SPON1: variants seen among roughly 807,000 people sequenced by gnomAD.
SPON1 encodes spondin 1.
Under a neutral mutation model 111.7 loss-of-function variants are expected in SPON1, and 52 were observed. The observed-to-expected ratio is 0.47, with a 90% CI of 0.37 to 0.59. The LOEUF (loss-of-function observed/expected upper bound fraction) is 0.59, where lower values mean the gene tolerates loss of function less well. SPON1 is among the 20% of genes least tolerant of loss of function. The pLI, the probability that SPON1 is intolerant of heterozygous loss-of-function variation, is 0.00. For synonymous variants in SPON1, 410 were observed against 395.8 expected (o/e 1.04, Z -0.43); for missense variants, 957 against 1,068.5 (o/e 0.90, Z 1.46).
At chr11:14,224,762 A>G in intron 6 of SPON1, 1 of 500,664 alleles carries the variant, frequency 2.0e-6, no homozygotes, top group South Asian at 1.5e-5. Context: ...GGGAGATATG[A>G]GGCCGGAGAA....
At chr11:13,996,894 TG>T (rs1554911864) in intron 2 of SPON1, among the ~76,000 whole-genome samples, 1 of 152,232 alleles carries the variant, frequency 6.6e-6, no homozygotes, top group Non-Finnish European at 1.5e-5. Flanking sequence ...ATCATACTGT[TG>T]AATTATAATT....
In SPON1 at chr11:14,218,238, C is replaced by T. The variant is rs186908699; in HGVS notation, c.826-25094C>T. Among the ~76,000 whole-genome samples the T allele has an allele frequency of 2.7e-3, 406 of 152,242 alleles. 3 individuals are homozygous for T. The highest frequency in any genetic ancestry group is 4.1e-3 in the Non-Finnish European group (279 of 68,024). On this transcript the variant is annotated intron_variant, in intron 6 of 15. Coordinates refer to ENST00000576479, the MANE Select transcript of SPON1 (RefSeq NM_006108.4). ...CAAGGAGATAGGCGACCTGGAAAAC[C>T]CAAATATCATACCTCCTTCTCCCTC...
intron 6 of SPON1, among the ~76,000 whole-genome samples, chr11:14,176,207 C>A (rs1207857420): frequency 6.6e-6 from 1 of 152,068 alleles, no homozygotes; most frequent in Non-Finnish European, 1.5e-5. Context: ...CATCAGCAAC[C>A]CCTCTGAGAT....
intron 2 of SPON1, among the ~76,000 whole-genome samples, chr11:14,032,693 T>G (rs1020929195): frequency 1.3e-5 from 2 of 152,212 alleles, no homozygotes; most frequent in Non-Finnish European, 1.5e-5. Flanking sequence ...GAGCCATGAT[T>G]TAGTCCAAAT....
chr11:14,012,622 C>G lies in SPON1; in HGVS notation c.346-28899C>G, dbSNP rs548083884. ...AAAAACAGACTCGTCTTTCAAGATT[C>G]AGCTCAAAGTCACTTCCTCTGTGAA... On this transcript the variant is annotated intron_variant, in intron 2 of 15. Coordinates refer to ENST00000576479, the MANE Select transcript of SPON1 (RefSeq NM_006108.4). 1.3e-5 allele frequency among the ~76,000 whole-genome samples: 2 copies of G among 152,312 alleles called. 1 individual carries two copies. The highest frequency in any genetic ancestry group is 4.1e-4 in the South Asian group (2 of 4,826).
intron 5 of SPON1, 30 bp downstream of exon 5, chr11:14,080,051 G>A: frequency 9.9e-6 from 16 of 1,613,216 alleles, no homozygotes; most frequent in Non-Finnish European, 1.4e-5. Context: ...TGTGGTTTGG[G>A]GAAAAGCACA....
At chr11:14,096,889 GATAAA>G (rs541158287) in intron 5 of SPON1, among the ~76,000 whole-genome samples, 2 of 152,156 alleles carry the variant, frequency 1.3e-5, no homozygotes, top group East Asian at 1.9e-4. Context: ...GTATTATTTT[GATAAA>G]ATAAGAAGCA....
intron 1 of SPON1, among the ~76,000 whole-genome samples, chr11:13,975,343 G>A (rs934210548): frequency 6.6e-6 from 1 of 152,142 alleles, no homozygotes; most frequent in Non-Finnish European, 1.5e-5. Flanking sequence ...TTGGAAAAGG[G>A]ACCAGAATAG....
At chr11:14,168,603 T>C (rs1253726945) in intron 6 of SPON1, among the ~76,000 whole-genome samples, 1 of 152,144 alleles carries the variant, frequency 6.6e-6, no homozygotes, top group Non-Finnish European at 1.5e-5. Context: ...GCTGCACCCA[T>C]TAACTCGTCA....
At chr11:14,118,017 A>G (rs554398493) in intron 5 of SPON1, among the ~76,000 whole-genome samples, 2 of 152,312 alleles carry the variant, frequency 1.3e-5, no homozygotes, top group East Asian at 3.9e-4. Context: ...TTTCAAATAC[A>G]GAAGAGCATT....
chr11:13,968,269 A>G (rs1038788706), intron 1 of SPON1, among the ~76,000 whole-genome samples: 24 of 152,212 alleles, frequency 1.6e-4, no homozygotes, highest in African/African-American at 5.5e-4. Flanking sequence ...CAAGAGGTAA[A>G]TGGGAGATCC....
chr11:14,104,655 TTC>T (rs1849171449), intron 5 of SPON1, among the ~76,000 whole-genome samples: 2 of 152,124 alleles, frequency 1.3e-5, no homozygotes, highest in Admixed American at 6.5e-5. Flanking sequence ...TCACAAACAA[TTC>T]TTTCTATTGT....
intron 2 of SPON1, among the ~76,000 whole-genome samples, chr11:14,016,458 A>G (rs1171060959): frequency 2.0e-5 from 3 of 152,210 alleles, no homozygotes. Context: ...ATTTATATCA[A>G]AATAATTTAT....
chr11:14,012,847 C>T lies in SPON1; in HGVS notation c.346-28674C>T, dbSNP rs550151319. Among the ~76,000 whole-genome samples, 5 of 152,208 alleles carry T rather than the reference C, an allele frequency of 3.3e-5. No homozygotes were observed. In the South Asian group the frequency reaches 8.3e-4, roughly 25 times the overall value. On this transcript the variant is annotated intron_variant, in intron 2 of 15. Transcript: ENST00000576479. ...AGGGCCCAGGACAAAAATTGGCTCT[C>T]GGTAGTTAATAAGTGTTTGTTGAAC...
chr11:14,155,342 G>T (rs976970637), intron 6 of SPON1, among the ~76,000 whole-genome samples: 15 of 152,154 alleles, frequency 9.9e-5, no homozygotes, highest in African/African-American at 3.1e-4. Flanking sequence ...GGTTTCATTG[G>T]CTCACAGTTC....
At chr11:14,159,790 A>G (rs1416920844) in intron 6 of SPON1, among the ~76,000 whole-genome samples, 1 of 151,996 alleles carries the variant, frequency 6.6e-6, no homozygotes, top group Non-Finnish European at 1.5e-5. Flanking sequence ...GCACAGAAAG[A>G]CAAACATCAC....
rs552886124 is a variant in SPON1, at chr11:14,259,195, C to T, written c.1493-85C>T. ...TCAACTGCCTGACTCCTCTTGATTC[C>T]CGCTGGCGGGAAGTTCCCACCGCGC... On this transcript the variant is annotated intron_variant, in intron 11 of 15. Transcript: ENST00000576479. This position sits in a 1 kb window ranked among gnomAD's most constrained non-coding sequence, Gnocchi z 5.0. 4.9e-6 allele frequency: 7 copies of T among 1,436,964 alleles called. No individual in the cohort carries two copies. The African/African-American group carries it at 8.5e-5, about 17-fold the overall frequency. The allele number at this position is 1,436,964 out of a possible 1,614,324, so 89.0% of individuals were successfully genotyped here.
Position 14,113,600 on chromosome 11 carries a change from T to A in SPON1, c.677-21820T>A, listed in dbSNP as rs1564908177. On this transcript the variant is annotated intron_variant, in intron 5 of 15. Transcript: ENST00000576479. ...TTTTTTTTTTTTTTTTTTTTTTTTT[T>A]TTTTTTTTTTTTTTTTTTTTGAGAC... Among the ~76,000 whole-genome samples the A allele has an allele frequency of 2.2e-3, 183 of 85,076 alleles. 24 individuals carry two copies. Among genetic ancestry groups the A allele is most frequent in the East Asian group, 7.2e-3 (22 of 3,070 alleles). The allele number at this position is 85,076 out of a possible 152,430, so 55.8% of individuals were successfully genotyped here.
chr11:14,007,091 T>C (rs1269575246), intron 2 of SPON1, among the ~76,000 whole-genome samples: 2 of 152,050 alleles, frequency 1.3e-5, no homozygotes, highest in Non-Finnish European at 2.9e-5. Flanking sequence ...GGGGGAATGG[T>C]TTCAGGATAA....
Sources: gnomAD v4.1 joint callset for allele counts (sites outside exome capture counted in the v4.1 genomes callset) on GRCh38, gnomAD v4.1.1 for gene constraint, Gnocchi (gnomAD v3.1) non-coding constraint, MANE v1.5 for transcripts, NCBI Gene and HGNC (gene_info 2026-07-23, HGNC 2026-07-21) for gene names.